Variants in THSD7B observed in about 807,000 individuals in gnomAD.
The protein encoded by THSD7B is thrombospondin type-1 domain-containing protein 7B.
A neutral mutation model predicts 213.6 loss-of-function variants in THSD7B; 138 were observed. The observed-to-expected ratio is 0.65, with a 90% CI of 0.56 to 0.74. The LOEUF is 0.74. Among genes scored for constraint, THSD7B ranks in the 30% least tolerant of loss-of-function variants. The pLI is 0.00. For synonymous variants in THSD7B, 742 were observed against 687.0 expected (o/e 1.08, Z -1.25); for missense variants, 1,931 against 1,991.5 (o/e 0.97, Z 0.58).
intron 20 of THSD7B, among the ~76,000 whole-genome samples, chr2:137,630,116 C>G (rs1474228647): frequency 1.3e-5 from 2 of 152,060 alleles, no homozygotes; most frequent in African/African-American, 4.8e-5. Flanking sequence ...TCTTCAGCCT[C>G]CCAAGTAGCT....
At chr2:136,891,138 G>C (rs1683849262) in intron 2 of THSD7B, among the ~76,000 whole-genome samples, 1 of 151,728 alleles carries the variant, frequency 6.6e-6, no homozygotes. Context: ...TAGATGTAGT[G>C]ACTTTTCATT....
intron 7 of THSD7B, among the ~76,000 whole-genome samples, chr2:137,184,557 A>G (rs760788188): frequency 4.7e-4 from 71 of 152,170 alleles, no homozygotes; most frequent in Non-Finnish European, 5.9e-4. Context: ...AAATTTATAT[A>G]TCTAAAAATG....
Position 137,290,056 on chromosome 2 carries a change from G to T in THSD7B, c.2500+14030G>T, listed in dbSNP as rs148966343. Among the ~76,000 whole-genome samples the T allele has an allele frequency of 5.0e-3, 760 of 151,360 alleles. 3 individuals carry two copies. Among genetic ancestry groups the T allele is most frequent in the African/African-American group, 0.017 (720 of 41,262 alleles). On this transcript the variant is annotated intron_variant, in intron 12 of 27. Transcript: ENST00000409968. ...TAGAAACCTCTCTCCCGGTAGTTAC[G>T]CATGATCTTCTCATTTTAAATCCAG...
At chr2:137,550,880 C>T (rs1395907705) in intron 15 of THSD7B, among the ~76,000 whole-genome samples, 1 of 152,056 alleles carries the variant, frequency 6.6e-6, no homozygotes, top group Admixed American at 6.6e-5. Flanking sequence ...GAGTCCAGAG[C>T]TCAGTTCTAT....
intron 10 of THSD7B, among the ~76,000 whole-genome samples, chr2:137,252,911 CTTTTTTTTTTTT>C (rs754932566): frequency 1.2e-5 from 1 of 80,660 alleles, no homozygotes; most frequent in Non-Finnish European, 2.5e-5. Flanking sequence ...AAAAGGCTTG[CTTTTTTTTTTTT>C]TTTTTTTTTT....
chr2:136,923,170 T>C lies in THSD7B; in HGVS notation c.139+40853T>C, dbSNP rs867274714. ...TATCTGCTTTCTGTTTCTGTGATTTTGACCGCTTTAGCTACTTCATATGAG... is the reference window on the plus strand; with the variant it reads ...TATCTGCTTTCTGTTTCTGTGATTTCGACCGCTTTAGCTACTTCATATGAG... On this transcript the variant is annotated intron_variant, in intron 2 of 27. Coordinates refer to ENST00000409968, the MANE Select transcript of THSD7B (RefSeq NM_001316349.2). Among the ~76,000 whole-genome samples, 34 of 152,326 alleles carry C rather than the reference T, an allele frequency of 2.2e-4. 1 individual carries two copies. Among genetic ancestry groups the C allele is most frequent in the Middle Eastern group, 3.4e-3 (1 of 294 alleles).
At chr2:137,381,400 G>T (rs539483517) in intron 12 of THSD7B, among the ~76,000 whole-genome samples, 1 of 152,212 alleles carries the variant, frequency 6.6e-6, no homozygotes, top group Non-Finnish European at 1.5e-5. Flanking sequence ...CCCTCCAGAC[G>T]CAGGCAGGTC....
At chr2:136,996,430 C>G (rs572890432) in intron 2 of THSD7B, among the ~76,000 whole-genome samples, 1 of 151,988 alleles carries the variant, frequency 6.6e-6, no homozygotes, top group South Asian at 2.1e-4. Context: ...CAGCCTGAAA[C>G]CCCCAGGCTC....
chr2:137,428,819 A>G lies in THSD7B; in HGVS notation c.2959+16947A>G, dbSNP rs564840768. On this transcript the variant is annotated intron_variant, in intron 14 of 27. Coordinates refer to ENST00000409968, the MANE Select transcript of THSD7B (RefSeq NM_001316349.2). ...TTAATTCCCAATATAATAGTACATG[A>G]GTAGGACTTTTAGGGGTGATTGAGT... 3.9e-5 allele frequency among the ~76,000 whole-genome samples: 6 copies of G among 152,338 alleles called. No individual in the cohort carries two copies. The South Asian group carries it at 1.2e-3, about 32-fold the overall frequency.
At chr2:137,101,320 G>A (rs1327135912) in intron 4 of THSD7B, among the ~76,000 whole-genome samples, 1 of 152,202 alleles carries the variant, frequency 6.6e-6, no homozygotes, top group Non-Finnish European at 1.5e-5. Context: ...GGGATTACAG[G>A]CGTGAGCCAC....
intron 15 of THSD7B, among the ~76,000 whole-genome samples, chr2:137,466,994 G>A (rs566752977): frequency 6.6e-6 from 1 of 152,100 alleles, no homozygotes; most frequent in East Asian, 1.9e-4. Flanking sequence ...TGCTGTTCTG[G>A]GAATCTTAAG....
At chr2:137,535,783 G>A (rs968730596) in intron 15 of THSD7B, among the ~76,000 whole-genome samples, 3 of 151,612 alleles carry the variant, frequency 2.0e-5, no homozygotes, top group Admixed American at 2.0e-4. Flanking sequence ...AATGATCAGA[G>A]AAGACTTCTC....
intron 2 of THSD7B, among the ~76,000 whole-genome samples, chr2:137,021,892 T>C (rs1486950090): frequency 1.3e-5 from 2 of 152,232 alleles, no homozygotes; most frequent in Non-Finnish European, 2.9e-5. Flanking sequence ...TTCTTGGTAC[T>C]GATCTGGGTT....
intron 2 of THSD7B, among the ~76,000 whole-genome samples, chr2:137,030,611 G>A (rs1224948504): frequency 6.6e-6 from 1 of 152,134 alleles, no homozygotes; most frequent in East Asian, 1.9e-4. Flanking sequence ...TTACAAAATG[G>A]TCTCTTACAG....
intron 7 of THSD7B, among the ~76,000 whole-genome samples, chr2:137,206,622 G>T (rs1680989191): frequency 6.6e-6 from 1 of 152,006 alleles, no homozygotes; most frequent in Non-Finnish European, 1.5e-5. Flanking sequence ...CCCTATATAA[G>T]AATTAAACAG....
chr2:136,958,752 A>G (rs1264487088), intron 2 of THSD7B, among the ~76,000 whole-genome samples: 1 of 152,196 alleles, frequency 6.6e-6, no homozygotes, highest in Admixed American at 6.5e-5. Context: ...GGGAGGTTTC[A>G]GTTGATTAGA....
chr2:137,367,634 A>G (rs1047434675), intron 12 of THSD7B, among the ~76,000 whole-genome samples: 11 of 152,074 alleles, frequency 7.2e-5, no homozygotes, highest in African/African-American at 2.7e-4. Flanking sequence ...ACAAAACACC[A>G]CAGACTGAGT....
At chr2:137,263,629 A>G (rs1682503200) in intron 10 of THSD7B, among the ~76,000 whole-genome samples, 1 of 152,196 alleles carries the variant, frequency 6.6e-6, no homozygotes, top group Non-Finnish European at 1.5e-5. Flanking sequence ...TATTTTTAAC[A>G]TTCCTGGAAA....
chr2:137,642,679 G>T, intron 21 of THSD7B, 46 bp downstream of exon 21: 2 of 1,600,720 alleles, frequency 1.2e-6, no homozygotes, highest in Non-Finnish European at 1.7e-6. Context: ...CAGTATATTC[G>T]AAGCACTTGT....
Sources: allele counts gnomAD v4.1 joint callset (sites outside exome capture counted in the v4.1 genomes callset), GRCh38; gene constraint gnomAD v4.1.1; transcripts MANE v1.5; gene names NCBI Gene and HGNC (gene_info 2026-07-23, HGNC 2026-07-21).